The following BNIP3L variants were observed in gnomAD, a reference collection of about 807,000 sequenced individuals.
The protein encoded by BNIP3L is BCL2/adenovirus E1B 19 kDa protein-interacting protein 3-like.
BNIP3L carries 10 observed loss-of-function variants against 25.5 expected under a neutral mutation model. The observed-to-expected ratio is 0.39, with a 90% CI of 0.24 to 0.67. The LOEUF is 0.67. BNIP3L is among the 30% of genes least tolerant of loss of function. The pLI, the probability that BNIP3L is intolerant of heterozygous loss-of-function variation, is 0.45. For synonymous variants in BNIP3L, 113 were observed against 101.2 expected (o/e 1.12, Z -0.70); for missense variants, 215 against 270.9 (o/e 0.79, Z 1.45).
At chr8:26,384,430 A>T (rs1206568191) in intron 1 of BNIP3L, among the ~76,000 whole-genome samples, 2 of 152,218 alleles carry the variant, frequency 1.3e-5, no homozygotes, top group Non-Finnish European at 2.9e-5. Flanking sequence ...TTTAAGTGTC[A>T]TATATTCCAG....
intron 3 of BNIP3L, among the ~76,000 whole-genome samples, 199 bp from the exon 4 acceptor site, chr8:26,407,801 C>T (rs1337260227): frequency 6.6e-6 from 1 of 152,202 alleles, no homozygotes; most frequent in African/African-American, 2.4e-5. Flanking sequence ...CAGTGAAGCT[C>T]ACTCAGGTTG....
chr8:26,407,774 G>A lies in BNIP3L; in HGVS notation c.358-226G>A, dbSNP rs138607310. On this transcript the variant is annotated intron_variant, in intron 3 of 5. Transcript: ENST00000380629. Reference sequence around the variant, plus strand: ...TACAGTCTTATGCAGTTCCTGTGCTGTGCTTAGATATCCCAACAGTGAAGC... The same window carrying A: ...TACAGTCTTATGCAGTTCCTGTGCTATGCTTAGATATCCCAACAGTGAAGC... 3.3e-3 allele frequency among the ~76,000 whole-genome samples: 498 copies of A among 152,284 alleles called. 6 individuals are homozygous for A. Among genetic ancestry groups the A allele is most frequent in the African/African-American group, 0.011 (470 of 41,550 alleles).
intron 5 of BNIP3L, 112 bp from the exon 6 acceptor site, chr8:26,410,252 C>A: frequency 1.6e-6 from 2 of 1,269,978 alleles, no homozygotes; most frequent in East Asian, 4.7e-5. Flanking sequence ...TACCCACAAA[C>A]CTTTAGAGCC....
rs1332717533 is a variant in BNIP3L, at chr8:26,383,094, G to T, written c.-37G>T. 46 of 1,544,112 alleles carry T rather than the reference G, an allele frequency of 3.0e-5. No homozygotes were observed. Among genetic ancestry groups the T allele is most frequent in the Non-Finnish European group, 4.0e-5 (46 of 1,136,290 alleles). On this transcript the variant is annotated 5_prime_UTR_variant, in exon 1 of 6. Coordinates refer to ENST00000380629, the MANE Select transcript of BNIP3L (RefSeq NM_004331.3). ...TGTTGCTGCCTGAGTGCCGGAGACGGTCCTGCTGCTGCCGCAGTCCTGCCA... is the reference window on the plus strand; with the variant it reads ...TGTTGCTGCCTGAGTGCCGGAGACGTTCCTGCTGCTGCCGCAGTCCTGCCA...
intron 3 of BNIP3L, among the ~76,000 whole-genome samples, chr8:26,402,546 A>G (rs1299928025): frequency 6.6e-6 from 1 of 152,216 alleles, no homozygotes; most frequent in Admixed American, 6.5e-5. Context: ...GGTCAAATAA[A>G]TGGAAGGTAA....
chr8:26,388,271 A>G lies in BNIP3L; in HGVS notation c.101-2972A>G, dbSNP rs115694344. On this transcript the variant is annotated intron_variant, in intron 1 of 5. Transcript: ENST00000380629. ...TAATTGTAGTAGCTAAAACTTTCTTAGGGACCTTTCTTATTGTTCTGCGTG... is the reference window on the plus strand; with the variant it reads ...TAATTGTAGTAGCTAAAACTTTCTTGGGGACCTTTCTTATTGTTCTGCGTG... 6.0e-3 allele frequency among the ~76,000 whole-genome samples: 907 copies of G among 152,316 alleles called. 11 individuals carry two copies. Among genetic ancestry groups the G allele is most frequent in the African/African-American group, 0.021 (859 of 41,574 alleles).
intron 3 of BNIP3L, among the ~76,000 whole-genome samples, chr8:26,399,899 T>C (rs1042750600): frequency 4.2e-5 from 6 of 141,226 alleles, no homozygotes; most frequent in Non-Finnish European, 9.2e-5. Context: ...AAACCACTGC[T>C]CAAGGAAATA....
intron 1 of BNIP3L, among the ~76,000 whole-genome samples, chr8:26,385,473 G>A (rs1400046477): frequency 6.6e-6 from 1 of 151,834 alleles, no homozygotes; most frequent in African/African-American, 2.4e-5. Context: ...CTTGGTGTTG[G>A]GCGCCTGTAA....
At chr8:26,392,382 T>C (rs990681097) in intron 2 of BNIP3L, among the ~76,000 whole-genome samples, 1 of 152,228 alleles carries the variant, frequency 6.6e-6, no homozygotes, top group African/African-American at 2.4e-5. Context: ...AGTATGGATA[T>C]GTTTCTTCTT....
intron 1 of BNIP3L, 172 bp downstream of exon 1, chr8:26,383,402 T>G: frequency 7.0e-7 from 1 of 1,436,602 alleles, no homozygotes; most frequent in Non-Finnish European, 9.1e-7. Context: ...GGCGCCTGCC[T>G]TGCTCCGGGC....
rs191440912 is a variant in BNIP3L at position 26,388,386 on chromosome 8, G to A, written c.101-2857G>A. Among the ~76,000 whole-genome samples, 4 of 152,286 alleles carry A rather than the reference G, an allele frequency of 2.6e-5. No homozygotes were observed. In the East Asian group the frequency reaches 7.7e-4, roughly 29 times the overall value. ...AGATGAGAAAACTGAGGCACAAAGA[G>A]GTTAAGTACCCTGTGCGAGGGTAAC... On this transcript the variant is annotated intron_variant, in intron 1 of 5. Transcript: ENST00000380629.
chr8:26,410,702 A>T lies in BNIP3L; in HGVS notation c.*290A>T, dbSNP rs1443781109. 2.9e-5 allele frequency: 12 copies of T among 414,810 alleles called. No individual in the cohort carries two copies. Among genetic ancestry groups the T allele is most frequent in the Non-Finnish European group, 4.9e-5 (11 of 222,426 alleles). The allele number at this position is 414,810 out of a possible 1,614,324, so 25.7% of individuals were successfully genotyped here. A position where few individuals can be genotyped will look rare whatever the true frequency, so the allele number is the denominator to read the frequency against. ...TCCGCAAATGCCACCAGCAGATTAT[A>T]ATTTTGTCAGCAATGCTATTATCTC... On this transcript the variant is annotated 3_prime_UTR_variant, in exon 6 of 6. Coordinates refer to ENST00000380629, the MANE Select transcript of BNIP3L (RefSeq NM_004331.3).
At chr8:26,393,235 G>C (rs778122175) in intron 2 of BNIP3L, among the ~76,000 whole-genome samples, 30 of 151,510 alleles carry the variant, frequency 2.0e-4, no homozygotes, top group Non-Finnish European at 3.8e-4. Flanking sequence ...AAATGTTTTA[G>C]GGTTGTTGGG....
Position 26,395,211 on chromosome 8 carries a change from T to A in BNIP3L, c.285-19T>A. 3 of 1,611,998 alleles carry A rather than the reference T, an allele frequency of 1.9e-6. No homozygotes were observed. In the South Asian group the frequency reaches 3.3e-5, roughly 18 times the overall value. On this transcript the variant is annotated intron_variant, in intron 2 of 5. Transcript: ENST00000380629. ...CAAAGTGAGAATTAAAACTAATAGC[T>A]GAATTCCTTCTCTTCTAGCCCTTCG...
rs575921296 is a variant in BNIP3L at position 26,408,834 on chromosome 8, T to G, written c.611+458T>G. 2.1e-5 allele frequency among the ~76,000 whole-genome samples: 3 copies of G among 142,238 alleles called. No individual in the cohort carries two copies. In the East Asian group the frequency reaches 6.2e-4, roughly 30 times the overall value. 93.3% of individuals were successfully genotyped at this position (142,238 alleles called of 152,430 possible). ...TTGCAGTGAGCCGAGATCATGCCAC[T>G]GCACTCCAGCCTGGGGGATAGAGTG... On this transcript the variant is annotated intron_variant, in intron 5 of 5. Transcript: ENST00000380629.
At chr8:26,388,478 C>T (rs1200524831) in intron 1 of BNIP3L, among the ~76,000 whole-genome samples, 1 of 152,130 alleles carries the variant, frequency 6.6e-6, no homozygotes, top group Non-Finnish European at 1.5e-5. Flanking sequence ...CAGTGTATCC[C>T]AAGTACAAAT....
At position 26,412,974 on chromosome 8, in the gene BNIP3L, C is replaced by T. The variant is rs1585444495; in HGVS notation, c.*2562C>T. 1 of 152,658 alleles carries T rather than the reference C, an allele frequency of 6.6e-6. No individual in the cohort carries two copies. Among genetic ancestry groups the T allele is most frequent in the East Asian group, 1.9e-4 (1 of 5,190 alleles). The allele number at this position is 152,658 out of a possible 1,614,324, so 9.5% of individuals were successfully genotyped here. A position where few individuals can be genotyped will look rare whatever the true frequency, so the allele number is the denominator to read the frequency against. On this transcript the variant is annotated 3_prime_UTR_variant, in exon 6 of 6. Coordinates refer to ENST00000380629, the MANE Select transcript of BNIP3L (RefSeq NM_004331.3). ...CCAGTCAGATAAGTTTTTTCATGAA[C>T]CCGTTGTGGAAATTATTGGAATTAA...
chr8:26,383,707 C>T (rs1207953350), intron 1 of BNIP3L, among the ~76,000 whole-genome samples: 2 of 151,142 alleles, frequency 1.3e-5, no homozygotes, highest in African/African-American at 2.4e-5. Flanking sequence ...GTGCGGGGCT[C>T]GCGGGCGGGC....
At chr8:26,398,421 C>T (rs1328464675) in intron 3 of BNIP3L, among the ~76,000 whole-genome samples, 10 of 58,750 alleles carry the variant, frequency 1.7e-4, no homozygotes, top group Admixed American at 7.7e-4. Context: ...TTCTTTGAAA[C>T]CAACGAGAAC....
Sources: allele counts gnomAD v4.1 joint callset (sites outside exome capture counted in the v4.1 genomes callset), GRCh38; gene constraint gnomAD v4.1.1; transcripts MANE v1.5; gene names NCBI Gene and HGNC (gene_info 2026-07-23, HGNC 2026-07-21).